The following ST6GALNAC3 variants were observed in gnomAD, a reference collection of about 807,000 sequenced individuals.
The protein encoded by ST6GALNAC3 is ST6 N-acetylgalactosaminide alpha-2,6-sialyltransferase 3, also known as alpha-N-acetylgalactosaminide alpha-2,6-sialyltransferase 3.
A neutral mutation model predicts 32.7 loss-of-function variants in ST6GALNAC3; 25 were observed. The ratio of observed to expected loss-of-function variants is 0.76; its 90% CI spans 0.56 to 1.07. The LOEUF (loss-of-function observed/expected upper bound fraction) is 1.07, where lower values mean the gene tolerates loss of function less well. ST6GALNAC3 is among the 50% of genes least tolerant of loss of function. The pLI is 0.00. For synonymous variants in ST6GALNAC3, 129 were observed against 133.1 expected (o/e 0.97, Z 0.21); for missense variants, 355 against 382.4 (o/e 0.93, Z 0.60).
At chr1:76,352,614 A>G (rs1212269796) in intron 2 of ST6GALNAC3, among the ~76,000 whole-genome samples, 3 of 149,084 alleles carry the variant, frequency 2.0e-5, no homozygotes, top group Non-Finnish European at 4.4e-5. Flanking sequence ...TAATCTAATT[A>G]CATTGCTTTA....
intron 3 of ST6GALNAC3, among the ~76,000 whole-genome samples, chr1:76,550,962 G>A (rs903059676): frequency 7.2e-5 from 11 of 152,162 alleles, no homozygotes; most frequent in Non-Finnish European, 1.3e-4. Flanking sequence ...GTTTCACCAC[G>A]TTTGCCAGTC....
chr1:76,284,910 T>C (rs1659692804), intron 1 of ST6GALNAC3, among the ~76,000 whole-genome samples: 1 of 152,026 alleles, frequency 6.6e-6, no homozygotes, highest in Non-Finnish European at 1.5e-5. Context: ...AGAGAAATGA[T>C]AGTGGGTGTA....
intron 1 of ST6GALNAC3, among the ~76,000 whole-genome samples, chr1:76,132,386 A>G (rs1028604540): frequency 6.6e-6 from 1 of 151,990 alleles, no homozygotes; most frequent in Non-Finnish European, 1.5e-5. Context: ...CAGGGGGGCA[A>G]TCCAAGACTC....
intron 1 of ST6GALNAC3, 136 bp downstream of exon 1, chr1:76,075,020 TG>T: frequency 8.8e-7 from 1 of 1,137,316 alleles, no homozygotes; most frequent in Non-Finnish European, 1.3e-6. Context: ...TTTGTTCCTT[TG>T]GCAAATGCAT....
chr1:76,485,226 G>T (rs1158651476), intron 3 of ST6GALNAC3, among the ~76,000 whole-genome samples: 1 of 152,172 alleles, frequency 6.6e-6, no homozygotes, highest in Non-Finnish European at 1.5e-5. Context: ...TCAGGATGAT[G>T]CTGGCCTCAT....
intron 3 of ST6GALNAC3, among the ~76,000 whole-genome samples, chr1:76,620,833 T>C (rs550429435): frequency 1.1e-4 from 16 of 152,164 alleles, no homozygotes; most frequent in African/African-American, 3.9e-4. Context: ...CACTGATAAA[T>C]GAAGTGGACC....
intron 3 of ST6GALNAC3, among the ~76,000 whole-genome samples, chr1:76,581,541 C>CT (rs1042913087): frequency 6.6e-6 from 1 of 152,120 alleles, no homozygotes; most frequent in African/African-American, 2.4e-5. Context: ...TATCAAGTGT[C>CT]TTATTCCTTA....
At chr1:76,429,601 A>G (rs564570711) in intron 3 of ST6GALNAC3, among the ~76,000 whole-genome samples, 1 of 152,236 alleles carries the variant, frequency 6.6e-6, no homozygotes, top group African/African-American at 2.4e-5. Context: ...GGGACCTTCA[A>G]TATGTGCTCA....
chr1:76,142,820 T>TG (rs199944308), intron 1 of ST6GALNAC3: 3 of 445,130 alleles, frequency 6.7e-6, no homozygotes, highest in Admixed American at 2.4e-5. Flanking sequence ...CTTGAATGCC[T>TG]GCCTTTTTTT....
intron 3 of ST6GALNAC3, among the ~76,000 whole-genome samples, chr1:76,480,518 G>C (rs1437302330): frequency 6.6e-6 from 1 of 152,062 alleles, no homozygotes; most frequent in Non-Finnish European, 1.5e-5. Context: ...AGATTTGAAT[G>C]ACATGGAAAT....
intron 2 of ST6GALNAC3, among the ~76,000 whole-genome samples, chr1:76,369,930 A>G (rs1053929829): frequency 6.6e-6 from 1 of 152,222 alleles, no homozygotes; most frequent in Non-Finnish European, 1.5e-5. Context: ...TCAAAGAGCT[A>G]GCTTGGAACA....
chr1:76,473,105 G>A (rs972018119), intron 3 of ST6GALNAC3, among the ~76,000 whole-genome samples: 1 of 152,078 alleles, frequency 6.6e-6, no homozygotes, highest in Non-Finnish European at 1.5e-5. Context: ...TGTCTTTGTG[G>A]GTGGGGAGTA....
At chr1:76,417,547 A>G (rs1654731108) in intron 3 of ST6GALNAC3, among the ~76,000 whole-genome samples, 2 of 152,138 alleles carry the variant, frequency 1.3e-5, no homozygotes, top group African/African-American at 4.8e-5. Flanking sequence ...GAATGTGATC[A>G]TGTTCCTGGC....
At chr1:76,131,647 C>T (rs1368700106) in intron 1 of ST6GALNAC3, among the ~76,000 whole-genome samples, 1 of 152,174 alleles carries the variant, frequency 6.6e-6, no homozygotes, top group Non-Finnish European at 1.5e-5. Context: ...CTCTCAGTCT[C>T]CCTGTGTTGG....
intron 1 of ST6GALNAC3, 129 bp from the exon 2 acceptor site, chr1:76,313,676 A>G: frequency 9.8e-7 from 1 of 1,021,036 alleles, no homozygotes; most frequent in Non-Finnish European, 1.5e-6. Context: ...TTTCCAGGTA[A>G]AATATGCTGA....
chr1:76,563,253 G>C (rs1459688328), intron 3 of ST6GALNAC3, among the ~76,000 whole-genome samples: 1 of 152,188 alleles, frequency 6.6e-6, no homozygotes, highest in Non-Finnish European at 1.5e-5. Flanking sequence ...CGGGGAAGGG[G>C]AGAAAGGGAT....
intron 3 of ST6GALNAC3, among the ~76,000 whole-genome samples, chr1:76,567,994 T>C (rs1004131490): frequency 6.6e-5 from 10 of 152,188 alleles, no homozygotes; most frequent in Admixed American, 2.6e-4. Flanking sequence ...TGATTTCTTA[T>C]GACATGAGAG....
intron 1 of ST6GALNAC3, chr1:76,307,779 G>A (rs978788974): frequency 4.2e-6 from 1 of 239,368 alleles, no homozygotes; most frequent in African/African-American, 2.3e-5. Flanking sequence ...ACAGTAGAAA[G>A]AATAAAAACA....
At chr1:76,103,645 A>C (rs1209943691) in intron 1 of ST6GALNAC3, among the ~76,000 whole-genome samples, 1 of 152,172 alleles carries the variant, frequency 6.6e-6, no homozygotes, top group African/African-American at 2.4e-5. Flanking sequence ...GCTGGAGGTC[A>C]AGGTATCAGC....
Sources: allele counts gnomAD v4.1 joint callset (sites outside exome capture counted in the v4.1 genomes callset), GRCh38; gene constraint gnomAD v4.1.1; transcripts MANE v1.5; gene names NCBI Gene and HGNC (gene_info 2026-07-23, HGNC 2026-07-21).